The following GRIN3A variants were observed in gnomAD, a reference collection of about 807,000 sequenced individuals.
GRIN3A encodes the protein glutamate receptor ionotropic, NMDA 3A.
GRIN3A carries 47 observed loss-of-function variants against 92.4 expected under a neutral mutation model. The ratio of observed to expected loss-of-function variants is 0.51; its 90% CI spans 0.40 to 0.65. The LOEUF (loss-of-function observed/expected upper bound fraction) is 0.65. Among genes scored for constraint, GRIN3A ranks in the 30% least tolerant of loss-of-function variants. The probability of loss-of-function intolerance (pLI) is 0.00; values close to 1 mark genes in which losing one functional copy is unlikely to be tolerated. For missense variants in GRIN3A, 1,324 were observed against 1,393.1 expected (o/e 0.95, Z 0.79); for synonymous variants, 527 against 540.6 (o/e 0.97, Z 0.35).
intron 1 of GRIN3A, among the ~76,000 whole-genome samples, chr9:101,701,882 T>C (rs879454932): frequency 6.6e-6 from 1 of 152,204 alleles, no homozygotes; most frequent in Non-Finnish European, 1.5e-5. Context: ...CAGCAGTCTC[T>C]CTCTATCCTG....
intron 3 of GRIN3A, among the ~76,000 whole-genome samples, chr9:101,653,854 T>C (rs970928957): frequency 6.6e-6 from 1 of 151,874 alleles, no homozygotes; most frequent in African/African-American, 2.4e-5. Context: ...ACCTCATCAC[T>C]AAGCTGAAAA....
At chr9:101,709,580 T>G (rs1353447378) in intron 1 of GRIN3A, among the ~76,000 whole-genome samples, 1 of 152,212 alleles carries the variant, frequency 6.6e-6, no homozygotes, top group Admixed American at 6.5e-5. Flanking sequence ...GGACTTAAAA[T>G]CAGAAAATTT....
At chr9:101,646,887 A>G (rs967575492) in intron 3 of GRIN3A, among the ~76,000 whole-genome samples, 1 of 151,750 alleles carries the variant, frequency 6.6e-6, no homozygotes, top group African/African-American at 2.4e-5. Flanking sequence ...TAGCTCTAAT[A>G]GTTTTTTTTG....
chr9:101,594,689 C>T lies in GRIN3A; in HGVS notation c.2767-15329G>A, dbSNP rs144342934. On this transcript the variant is annotated intron_variant, in intron 6 of 8. Coordinates refer to ENST00000361820, the MANE Select transcript of GRIN3A (RefSeq NM_133445.3). ...GCCCTTGACGCTGAACTGGGAGGTC[C>T]CCAGGATGAATTCCTTGAAGTCCAC... 4 of 1,614,180 alleles carry T rather than the reference C, an allele frequency of 2.5e-6. No individual in the cohort carries two copies. The Admixed American group carries it at 5.0e-5, about 20-fold the overall frequency.
intron 6 of GRIN3A, among the ~76,000 whole-genome samples, chr9:101,586,996 A>G (rs369907447): frequency 1.3e-5 from 2 of 152,180 alleles, no homozygotes; most frequent in South Asian, 4.2e-4. Flanking sequence ...TATTCTTTTG[A>G]TAGGTTTTGC....
intron 1 of GRIN3A, among the ~76,000 whole-genome samples, chr9:101,731,641 C>T (rs1830140549): frequency 6.6e-6 from 1 of 152,110 alleles, no homozygotes; most frequent in African/African-American, 2.4e-5. Flanking sequence ...ATAATGCCAG[C>T]CAGGTCAGGG....
At chr9:101,703,312 C>G in intron 1 of GRIN3A, among the ~76,000 whole-genome samples, 1 of 152,158 alleles carries the variant, frequency 6.6e-6, no homozygotes, top group East Asian at 1.9e-4. Flanking sequence ...GTCTCATACC[C>G]TGGTGGTTGC....
intron 3 of GRIN3A, among the ~76,000 whole-genome samples, chr9:101,665,507 A>C (rs1302947627): frequency 6.6e-6 from 1 of 151,964 alleles, no homozygotes; most frequent in Non-Finnish European, 1.5e-5. Context: ...TGAAAATGGC[A>C]ACATGGTGTA....
In GRIN3A at chr9:101,594,937, A is replaced by G. The variant is rs776804836; in HGVS notation, c.2767-15577T>C. 10 of 1,593,694 alleles carry G rather than the reference A, an allele frequency of 6.3e-6. No individual in the cohort carries two copies. The East Asian group carries it at 2.2e-4, about 36-fold the overall frequency. On this transcript the variant is annotated intron_variant, in intron 6 of 8. Transcript: ENST00000361820. The stretch of plus-strand genomic sequence containing the variant: ...CGTTTCCCATTGTGGACATCTGGCA[A>G]CGGCCACGGCTCAAAGGGTCGGAGA...
intron 2 of GRIN3A, among the ~76,000 whole-genome samples, chr9:101,684,047 T>C (rs1829498286): frequency 6.6e-6 from 1 of 151,780 alleles, no homozygotes; most frequent in African/African-American, 2.4e-5. Context: ...GTCAATCCCC[T>C]GCCCTCCCCT....
intron 6 of GRIN3A, among the ~76,000 whole-genome samples, chr9:101,598,143 T>C (rs1045277767): frequency 6.6e-6 from 1 of 152,192 alleles, no homozygotes; most frequent in Non-Finnish European, 1.5e-5. Context: ...ATTTTAATAA[T>C]ATATTTATAT....
chr9:101,611,466 G>T (rs973925104), intron 6 of GRIN3A, among the ~76,000 whole-genome samples: 1 of 152,080 alleles, frequency 6.6e-6, no homozygotes, highest in Admixed American at 6.5e-5. Flanking sequence ...TCCAAATAAG[G>T]TCACATTCTG....
At chr9:101,622,099 G>A (rs766077384) in intron 5 of GRIN3A, among the ~76,000 whole-genome samples, 5 of 152,176 alleles carry the variant, frequency 3.3e-5, no homozygotes, top group Non-Finnish European at 7.3e-5. Flanking sequence ...TTTGCCTGGA[G>A]AGGGGACTGA....
At chr9:101,592,353 G>A (rs1039625113) in intron 6 of GRIN3A, 1 of 152,250 alleles carries the variant, frequency 6.6e-6, no homozygotes, top group African/African-American at 2.4e-5. Flanking sequence ...GAAGAAGGGG[G>A]AAGGGAAGGG....
intron 5 of GRIN3A, among the ~76,000 whole-genome samples, chr9:101,615,021 TA>T (rs1179701693): frequency 1.3e-5 from 2 of 152,038 alleles, no homozygotes; most frequent in Non-Finnish European, 2.9e-5. Flanking sequence ...GGGAGGAACA[TA>T]AAAATGGAGT....
At chr9:101,624,972 G>C (rs1828611791) in intron 4 of GRIN3A, among the ~76,000 whole-genome samples, 1 of 152,154 alleles carries the variant, frequency 6.6e-6, no homozygotes, top group African/African-American at 2.4e-5. Context: ...AGTGAGAGTA[G>C]AAGAGGGATG....
chr9:101,682,960 C>T (rs1265009079), intron 2 of GRIN3A, among the ~76,000 whole-genome samples: 2 of 152,124 alleles, frequency 1.3e-5, no homozygotes, highest in Non-Finnish European at 2.9e-5. Flanking sequence ...CCAGCCTGGG[C>T]GACAGAGAAA....
At chr9:101,733,738 A>G (rs1830169331) in intron 1 of GRIN3A, among the ~76,000 whole-genome samples, 1 of 152,204 alleles carries the variant, frequency 6.6e-6, no homozygotes, top group Admixed American at 6.5e-5. Context: ...AATTTAAAAC[A>G]CTTGTATTTC....
intron 1 of GRIN3A, among the ~76,000 whole-genome samples, chr9:101,706,887 T>C (rs1829821140): frequency 1.3e-5 from 2 of 152,184 alleles, no homozygotes; most frequent in African/African-American, 4.8e-5. Context: ...TGACCAGGTT[T>C]TATAGTCTCT....
Sources: gnomAD v4.1 joint callset for allele counts (sites outside exome capture counted in the v4.1 genomes callset) on GRCh38, gnomAD v4.1.1 for gene constraint, MANE v1.5 for transcripts, NCBI Gene and HGNC (gene_info 2026-07-23, HGNC 2026-07-21) for gene names.